The following TXNRD1 variants were observed in gnomAD, a reference collection of about 807,000 sequenced individuals.
TXNRD1 encodes the protein thioredoxin reductase 1, also known as thioredoxin reductase 1, cytoplasmic.
A neutral mutation model predicts 80.3 loss-of-function variants in TXNRD1; 57 were observed. The ratio of observed to expected loss-of-function variants is 0.71; its 90% CI spans 0.57 to 0.89. The LOEUF (loss-of-function observed/expected upper bound fraction) is 0.89. TXNRD1 is among the 40% of genes least tolerant of loss of function. TXNRD1 has a pLI of 0.00. For missense variants in TXNRD1, 730 were observed against 803.0 expected (o/e 0.91, Z 1.10); for synonymous variants, 291 against 285.2 (o/e 1.02, Z -0.20).
At chr12:104,322,533 A>T (rs900466859) in intron 10 of TXNRD1, among the ~76,000 whole-genome samples, 4 of 151,780 alleles carry the variant, frequency 2.6e-5, no homozygotes, top group African/African-American at 9.7e-5. Flanking sequence ...GGTGCGTGCC[A>T]CCACACCCGG....
At chr12:104,288,645 G>T in intron 3 of TXNRD1, 1 of 770,810 alleles carries the variant, frequency 1.3e-6, no homozygotes, top group Non-Finnish European at 1.8e-6. Flanking sequence ...TAATTTTAGC[G>T]GAGTAGTGCA....
chr12:104,260,656 C>A (rs539580005), intron 3 of TXNRD1, among the ~76,000 whole-genome samples: 4 of 152,260 alleles, frequency 2.6e-5, no homozygotes, highest in Admixed American at 6.5e-5. Context: ...AAGGCTCTTG[C>A]CCCTAAATAC....
chr12:104,304,514 A>G (rs1265511215), intron 4 of TXNRD1: 3 of 1,614,050 alleles, frequency 1.9e-6, no homozygotes, highest in Admixed American at 1.7e-5. Flanking sequence ...AAAAGTTCGC[A>G]AGATGGAAGA....
In TXNRD1 at chr12:104,348,514, T is replaced by A; in HGVS notation, c.*93T>A. On this transcript the variant is annotated 3_prime_UTR_variant, in exon 17 of 17. Transcript: ENST00000525566. ...GAAGTTTTCTAGAGGGTTCTTGGGC[T>A]CTTGGCACCTGCGTGTCCTGTGCTT... 8.0e-7 allele frequency: 1 copy of A among 1,243,676 alleles called. No individual in the cohort carries two copies. The highest frequency in any genetic ancestry group is 1.2e-6 in the Non-Finnish European group (1 of 853,476). The allele number at this position is 1,243,676 out of a possible 1,614,324, so 77.0% of individuals were successfully genotyped here.
In TXNRD1 at chr12:104,321,408, A is replaced by G. The variant is rs1002452987; in HGVS notation, c.1215+92A>G. ...TTGGTGGTAGAAGCATCCTTTCAGC[A>G]TTATAAACCATCAGGAATGCTGATT... On this transcript the variant is annotated intron_variant, in intron 10 of 16. Coordinates refer to ENST00000525566, the MANE Select transcript of TXNRD1 (RefSeq NM_001093771.3). 218 of 983,402 alleles carry G rather than the reference A, an allele frequency of 2.2e-4. 1 individual carries two copies. The African/African-American group carries it at 3.3e-3, about 15-fold the overall frequency. The allele number at this position is 983,402 out of a possible 1,614,324, so 60.9% of individuals were successfully genotyped here. A position where few individuals can be genotyped will look rare whatever the true frequency, so the allele number is the denominator to read the frequency against.
chr12:104,334,391 G>GTT (rs937477885), intron 15 of TXNRD1, 59 bp downstream of exon 15: 188 of 977,016 alleles, frequency 1.9e-4, no homozygotes, highest in South Asian at 4.4e-4. Context: ...TTTTGTTGTT[G>GTT]TTTTTTTTTT....
At chr12:104,216,639 T>C (rs1353326984) in intron 1 of TXNRD1, among the ~76,000 whole-genome samples, 4 of 152,216 alleles carry the variant, frequency 2.6e-5, no homozygotes, top group Non-Finnish European at 5.9e-5. Context: ...AACCCCATTA[T>C]ACAGATGAAG....
chr12:104,304,686 CTT>C (rs1451410658), intron 4 of TXNRD1: 3 of 1,613,816 alleles, frequency 1.9e-6, no homozygotes, highest in Non-Finnish European at 2.5e-6. Flanking sequence ...GATCCAAACT[CTT>C]TTTCTCGTAC....
intron 1 of TXNRD1, among the ~76,000 whole-genome samples, chr12:104,231,707 CCAAA>C (rs756185006): frequency 1.3e-5 from 2 of 152,112 alleles, no homozygotes; most frequent in African/African-American, 4.8e-5. Flanking sequence ...TTTTATTTTC[CCAAA>C]CAAAGAAACC....
intron 1 of TXNRD1, among the ~76,000 whole-genome samples, chr12:104,246,413 G>T (rs2032995899): frequency 6.6e-6 from 1 of 151,322 alleles, no homozygotes; most frequent in South Asian, 2.1e-4. Context: ...GGGCGACAGT[G>T]CGAGACTCCA....
At chr12:104,327,697 A>C in intron 13 of TXNRD1, 26 bp downstream of exon 13, 1 of 1,611,372 alleles carries the variant, frequency 6.2e-7, no homozygotes, top group Non-Finnish European at 8.5e-7. Flanking sequence ...GTTGCCCATT[A>C]GATACTGTTG....
intron 3 of TXNRD1, among the ~76,000 whole-genome samples, chr12:104,263,775 T>A (rs2033419114): frequency 6.6e-6 from 1 of 152,192 alleles, no homozygotes; most frequent in Non-Finnish European, 1.5e-5. Flanking sequence ...ATTATTCATG[T>A]CTCCTGGCTG....
chr12:104,290,574 G>A (rs961393544), intron 4 of TXNRD1, among the ~76,000 whole-genome samples: 1 of 150,720 alleles, frequency 6.6e-6, no homozygotes, highest in African/African-American at 2.4e-5. Context: ...CATGCCTCTG[G>A]TCCCAGCTAC....
At chr12:104,251,146 A>T (rs1379973692) in intron 1 of TXNRD1, among the ~76,000 whole-genome samples, 1 of 152,078 alleles carries the variant, frequency 6.6e-6, no homozygotes, top group East Asian at 1.9e-4. Flanking sequence ...TTGGAAGGGG[A>T]CATCTGTCTG....
intron 14 of TXNRD1, among the ~76,000 whole-genome samples, 171 bp downstream of exon 14, chr12:104,331,812 C>T (rs946798805): frequency 2.8e-5 from 4 of 145,312 alleles, no homozygotes; most frequent in African/African-American, 1.0e-4. Flanking sequence ...TTAGTAGTCT[C>T]TCATTCTGTG....
At chr12:104,254,642 A>ATATAT (rs1555207862) in intron 2 of TXNRD1, among the ~76,000 whole-genome samples, 1 of 104,542 alleles carries the variant, frequency 9.6e-6, no homozygotes, top group Non-Finnish European at 1.8e-5. Flanking sequence ...AAAAAAAAAA[A>ATATAT]AAATATATAT....
At chr12:104,303,613 T>G in intron 4 of TXNRD1, 7 of 309,956 alleles carry the variant, frequency 2.3e-5, no homozygotes, top group East Asian at 7.1e-5. Flanking sequence ...TCATTGCGCG[T>G]GTTGGGAGCG....
intron 14 of TXNRD1, among the ~76,000 whole-genome samples, chr12:104,333,379 G>GA (rs1425208311): frequency 2.0e-5 from 3 of 152,016 alleles, no homozygotes; most frequent in Non-Finnish European, 4.4e-5. Flanking sequence ...AAGAAACTTT[G>GA]AAAAATGTAA....
At chr12:104,294,438 A>G (rs1312370948) in intron 4 of TXNRD1, among the ~76,000 whole-genome samples, 2 of 151,584 alleles carry the variant, frequency 1.3e-5, no homozygotes, top group East Asian at 1.9e-4. Flanking sequence ...ACTTCTCACT[A>G]TGTCCCCTCA....
Sources: allele counts gnomAD v4.1 joint callset (sites outside exome capture counted in the v4.1 genomes callset), GRCh38; gene constraint gnomAD v4.1.1; transcripts MANE v1.5; gene names NCBI Gene and HGNC (gene_info 2026-07-23, HGNC 2026-07-21).